Variants in RABL6 observed in about 807,000 individuals in gnomAD.
The protein encoded by RABL6 is rab-like protein 6.
RABL6 carries 28 observed loss-of-function variants against 72.9 expected under a neutral mutation model. The observed-to-expected ratio is 0.38, with a 90% CI of 0.28 to 0.53. RABL6 has a LOEUF of 0.53. RABL6 is among the 20% of genes least tolerant of loss of function. The probability of loss-of-function intolerance (pLI) is 0.80; values close to 1 mark genes in which losing one functional copy is unlikely to be tolerated. For missense variants in RABL6, 1,029 were observed against 1,008.4 expected, an observed-to-expected ratio of 1.02 and a Z score of -0.28; for synonymous variants, 477 against 421.2, an observed-to-expected ratio of 1.13 and a Z score of -1.62.
At position 136,840,689 on chromosome 9, in the gene RABL6, G is replaced by A. The variant is rs1848679855; in HGVS notation, c.*167G>A. On this transcript the variant is annotated 3_prime_UTR_variant, in exon 15 of 15. Coordinates refer to ENST00000311502, the MANE Select transcript of RABL6 (RefSeq NM_024718.5). ...GGTCCCCAGGCTGGGCCCTGCAGGT[G>A]CTGGGCCTTCAGGCCCAGTGTGAGC... 7 of 1,549,126 alleles carry A rather than the reference G, an allele frequency of 4.5e-6. No homozygotes were observed. Among genetic ancestry groups the A allele is most frequent in the Non-Finnish European group, 6.1e-6 (7 of 1,146,856 alleles).
At chr9:136,820,441 G>A (rs181212424) in intron 1 of RABL6, among the ~76,000 whole-genome samples, 1 of 151,810 alleles carries the variant, frequency 6.6e-6, no homozygotes, top group Non-Finnish European at 1.5e-5. Flanking sequence ...GTGTGATCTT[G>A]GCTCACTGCA....
intron 1 of RABL6, among the ~76,000 whole-genome samples, chr9:136,818,742 CAAA>C (rs59890458): frequency 7.6e-6 from 1 of 131,336 alleles, no homozygotes; most frequent in Non-Finnish European, 1.7e-5. Context: ...GAGACTTAAT[CAAA>C]AAAAAAAAAG....
At chr9:136,808,883 G>C (rs894315403) in intron 1 of RABL6, 1 of 152,156 alleles carries the variant, frequency 6.6e-6, no homozygotes, top group African/African-American at 2.4e-5. Flanking sequence ...ATCTAGAAAA[G>C]CTCCAGAAGG....
rs559509058 is a variant in RABL6 at position 136,815,426 on chromosome 9, T to A, written c.130+7100T>A. 9.9e-5 allele frequency: 27 copies of A among 273,758 alleles called. No individual in the cohort carries two copies. In the East Asian group the frequency reaches 2.1e-3, roughly 21 times the overall value. The allele number at this position is 273,758 out of a possible 1,614,324, so 17.0% of individuals were successfully genotyped here. On this transcript the variant is annotated intron_variant, in intron 1 of 14. Coordinates refer to ENST00000311502, the MANE Select transcript of RABL6 (RefSeq NM_024718.5). ...CAGTCTCTTCTCCACAGCTGTCATC[T>A]TCTTCATCTTCTGACATTTCCTCAT... is the stretch of plus-strand genomic sequence containing the variant.
chr9:136,825,694 A>G, intron 2 of RABL6, 85 bp from the exon 3 acceptor site: 1 of 1,457,756 alleles, frequency 6.9e-7, no homozygotes, highest in Non-Finnish European at 9.6e-7. Flanking sequence ...GCTGCGGGGC[A>G]CAGACAACCA....
At chr9:136,828,591 G>C (rs1486483695) in intron 4 of RABL6, 45 bp downstream of exon 4, 2 of 1,594,294 alleles carry the variant, frequency 1.3e-6, no homozygotes, top group Non-Finnish European at 1.7e-6. Flanking sequence ...CAGGGCCCCG[G>C]GGTGCGTGAG....
At position 136,817,553 on chromosome 9, in the gene RABL6, A is replaced by AGGGGAGGCCGACGTGGGCTGT. The variant is rs1265502873; in HGVS notation, c.131-5951_131-5931dup. Among the ~76,000 whole-genome samples, 7 of 17,104 alleles carry AGGGGAGGCCGACGTGGGCTGT rather than the reference A, an allele frequency of 4.1e-4. No individual in the cohort carries two copies. In the East Asian group the frequency reaches 6.1e-3, roughly 15 times the overall value. 11.2% of individuals were successfully genotyped at this position (17,104 alleles called of 152,430 possible). A position where few individuals can be genotyped will look rare whatever the true frequency, so the allele number is the denominator to read the frequency against. On this transcript the variant is annotated intron_variant, in intron 1 of 14. Transcript: ENST00000311502. ...GCTGTGGGGAGGCCGACGTGGGCTGAGGGGAGGCCGACGTGGGCTGTGGGG... is the reference window on the plus strand; with the variant it reads ...GCTGTGGGGAGGCCGACGTGGGCTGAGGGGAGGCCGACGTGGGCTGTGGGGAGGCCGACGTGGGCTGTGGGG...
Position 136,839,787 on chromosome 9 carries a change from G to C in RABL6, c.1852G>C (p.Ala618Pro). 1 of 1,612,756 alleles carries C rather than the reference G, an allele frequency of 6.2e-7. No individual in the cohort carries two copies. Among genetic ancestry groups the C allele is most frequent in the South Asian group, 1.1e-5 (1 of 91,086 alleles). The part of the protein sequence containing the change: ...PPPPPKLPLP[A>P]FRLKNDSDLF... Reference sequence around the variant, plus strand: ...CCCACCCCCCAAGCTCCCTCTCCCCGCCTTCAGACTGAAGAATGACTCGGA... The same window carrying C: ...CCCACCCCCCAAGCTCCCTCTCCCCCCCTTCAGACTGAAGAATGACTCGGA... Residue 618 changes from alanine (A) to proline (P), a missense_variant, in exon 13 of 15, where the codon GCC becomes CCC. By Grantham distance (27) the Ala-to-Pro change is conservative. Around this residue, in one of 2 missense-constraint regions of RABL6, gnomAD observed 595 missense variants for 472.4 expected, o/e 1.26. Coordinates refer to ENST00000311502, the MANE Select transcript of RABL6 (RefSeq NM_024718.5).
chr9:136,821,238 G>C (rs978531324), intron 1 of RABL6: 2 of 822,118 alleles, frequency 2.4e-6, no homozygotes, highest in Admixed American at 6.2e-5. Context: ...CGAGATGCGG[G>C]GACCAAGGGA....
chr9:136,839,289 C>T lies in RABL6; in HGVS notation c.1561C>T (p.Pro521Ser), dbSNP rs2131206947. Reference sequence around the variant, plus strand: ...CACGAGGACCGCAGCACCCCCCTGGCCAGGCGGTGTCTCTGTTCGCACAGG... The same window carrying T: ...CACGAGGACCGCAGCACCCCCCTGGTCAGGCGGTGTCTCTGTTCGCACAGG... ...APTRTAAPPW[P>S]GGVSVRTGPE... is the part of the protein sequence containing the mutation. The change falls in exon 12 of 15, where the codon CCA (proline) becomes TCA (serine). Residue 521 changes from proline to serine, a missense_variant. Physicochemically the swap from Pro to Ser is moderately conservative, Grantham distance 74. Transcript: ENST00000311502. 1 of 1,611,138 alleles carries T rather than the reference C, an allele frequency of 6.2e-7. No homozygotes were observed. Among genetic ancestry groups the T allele is most frequent in the Non-Finnish European group, 8.5e-7 (1 of 1,179,258 alleles).
At chr9:136,816,661 G>A (rs767828676) in intron 1 of RABL6, among the ~76,000 whole-genome samples, 35 of 150,732 alleles carry the variant, frequency 2.3e-4, no homozygotes, top group Non-Finnish European at 4.7e-4. Flanking sequence ...AGGTTGCAGT[G>A]GGTCGAGATC....
rs774636565 is a variant in RABL6 at position 136,823,601 on chromosome 9, G to A, written c.207G>A (p.Val69=). ...ACCGCCTGCAGGGCCGGCCGTTCGT[G>A]GAGGAGTACATCCCCACACAGGAGA... ...LWHRLQGRPF[V]EEYIPTQEIQ... The change falls in exon 2 of 15, where the codon GTG becomes GTA. Residue 69 remains valine (V), a synonymous_variant. Transcript: ENST00000311502. 2.5e-6 allele frequency: 4 copies of A among 1,613,766 alleles called. No individual in the cohort carries two copies. The highest frequency in any genetic ancestry group is 2.2e-5 in the South Asian group (2 of 91,058).
In RABL6 at chr9:136,826,573, G is replaced by A. The variant is rs1343274439; in HGVS notation, c.313+747G>A. On this transcript the variant is annotated intron_variant, in intron 3 of 14. Coordinates refer to ENST00000311502, the MANE Select transcript of RABL6 (RefSeq NM_024718.5). This position sits in a 1 kb window ranked among gnomAD's most constrained non-coding sequence, Gnocchi z 4.9. ...TTGTTGGGGTGGGTTTGGCCATGGG[G>A]GGTTAGAGGCAGGTGCTCATGCAGT... 3.9e-5 allele frequency: 6 copies of A among 152,638 alleles called. No individual in the cohort carries two copies. Among genetic ancestry groups the A allele is most frequent in the Non-Finnish European group, 8.8e-5 (6 of 68,414 alleles). The allele number at this position is 152,638 out of a possible 1,614,324, so 9.5% of individuals were successfully genotyped here.
chr9:136,835,037 G>A (rs1848560601), intron 7 of RABL6: 2 of 151,946 alleles, frequency 1.3e-5, no homozygotes, highest in South Asian at 4.2e-4. Flanking sequence ...GCCAAGCTGG[G>A]AGGATCACTT....
In RABL6 at chr9:136,838,969, C is replaced by G. The variant is rs561801845; in HGVS notation, c.1341C>G (p.Leu447=). The G allele has an allele frequency of 8.1e-6, 13 of 1,610,902 alleles. No individual in the cohort carries two copies. The highest frequency in any genetic ancestry group is 1.0e-5 in the Non-Finnish European group (12 of 1,179,256). The change falls in exon 11 of 15, where the codon CTC becomes CTG. Residue 447 remains leucine, a synonymous_variant. Transcript: ENST00000311502. ...CAGGGTTCCAGGACGATGTGGACCTCGAAGACCAGCCACGTGGGAGTCCCC... is the reference window on the plus strand; with the variant it reads ...CAGGGTTCCAGGACGATGTGGACCTGGAAGACCAGCCACGTGGGAGTCCCC... ...MVAGFQDDVD[L]EDQPRGSPPL...
intron 1 of RABL6, among the ~76,000 whole-genome samples, chr9:136,816,383 G>A (rs1448859920): frequency 1.3e-5 from 2 of 151,990 alleles, no homozygotes; most frequent in Non-Finnish European, 2.9e-5. Flanking sequence ...GGCATTACAG[G>A]AGAGAGCCAC....
intron 1 of RABL6, chr9:136,813,346 CAG>C (rs1477253726): frequency 1.6e-5 from 13 of 834,018 alleles, no homozygotes; most frequent in Non-Finnish European, 2.4e-5. Flanking sequence ...TGCCTTGTCT[CAG>C]ATTCTTTCTG....
chr9:136,808,305 G>A lies in RABL6; in HGVS notation c.109G>A (p.Ala37Thr). The A allele has an allele frequency of 6.4e-7, 1 of 1,559,786 alleles. No homozygotes were observed. The highest frequency in any genetic ancestry group is 8.7e-7 in the Non-Finnish European group (1 of 1,154,814). ...GAACCAGGCGTTGCAGAGGCGCTTC[G>A]CCAAGGGGGTGCAGTACAACAGTGA... ...SMNQALQRRF[A>T]KGVQYNMKIV... is the part of the protein sequence containing the mutation. Residue 37 changes from alanine to threonine, a missense_variant, in exon 1 of 15, where the codon GCC (alanine) becomes ACC (threonine). Physicochemically the swap from Ala to Thr is moderately conservative, Grantham distance 58 (BLOSUM62 0). This residue lies in a region of RABL6 where 434 missense variants were observed against 536.1 expected (regional missense o/e 0.81). Coordinates refer to ENST00000311502, the MANE Select transcript of RABL6 (RefSeq NM_024718.5).
At chr9:136,821,895 A>T (rs969837631) in intron 1 of RABL6, 9 of 1,278,870 alleles carry the variant, frequency 7.0e-6, no homozygotes, top group Non-Finnish European at 9.1e-6. Context: ...TGCGGCCGCC[A>T]CCGTGGCCGT....
Sources: gnomAD v4.1 joint callset for allele counts (sites outside exome capture counted in the v4.1 genomes callset) on GRCh38, gnomAD v4.1.1 for gene constraint, gnomAD v4.1.1 regional missense constraint, Gnocchi (gnomAD v3.1) non-coding constraint, MANE v1.5 for transcripts, NCBI Gene and HGNC (gene_info 2026-07-23, HGNC 2026-07-21) for gene names.